TIA1: variants seen among roughly 807,000 people sequenced by gnomAD.
TIA1 encodes the protein TIA1 cytotoxic granule associated RNA binding protein.
TIA1 carries 23 observed loss-of-function variants against 65.9 expected under a neutral mutation model. The observed-to-expected ratio is 0.35, with a 90% CI of 0.25 to 0.49. The LOEUF is 0.49. TIA1 is among the 20% of genes least tolerant of loss of function. The pLI, the probability that TIA1 is intolerant of heterozygous loss-of-function variation, is 0.98. For missense variants in TIA1, 371 were observed against 477.9 expected (o/e 0.78, Z 2.09); for synonymous variants, 147 against 149.4 (o/e 0.98, Z 0.12).
chr2:70,248,704 C>T, upstream of TIA1: 1 of 526,784 alleles, frequency 1.9e-6, no homozygotes, highest in Non-Finnish European at 3.4e-6. Context: ...CTCTCAACCT[C>T]CGGGCCGCCC....
chr2:70,213,000 C>T (rs1028042053), intron 12 of TIA1, among the ~76,000 whole-genome samples, 155 bp from the exon 13 acceptor site: 15 of 152,316 alleles, frequency 9.8e-5, no homozygotes, highest in Admixed American at 3.9e-4. Flanking sequence ...AAAATGAAAT[C>T]TTTTACTAAA....
At chr2:70,225,132 TGTCTAAA>T (rs1352429272) in intron 6 of TIA1, 1 of 1,025,682 alleles carries the variant, frequency 9.7e-7, no homozygotes, top group African/African-American at 1.7e-5. Flanking sequence ...CCCCCCTTTT[TGTCTAAA>T]TTTTGAGAAC....
At chr2:70,221,311 TA>T (rs200250999) in intron 7 of TIA1, among the ~76,000 whole-genome samples, 23 of 151,016 alleles carry the variant, frequency 1.5e-4, no homozygotes, top group African/African-American at 3.4e-4. Context: ...GGCCTTTTTT[TA>T]AAAAAAAATT....
At chr2:70,221,949 G>A (rs188277861) in intron 7 of TIA1, among the ~76,000 whole-genome samples, 5 of 151,960 alleles carry the variant, frequency 3.3e-5, no homozygotes, top group Admixed American at 2.6e-4. Context: ...CACCATGCCT[G>A]GCTCATTTTT....
intron 1 of TIA1, among the ~76,000 whole-genome samples, chr2:70,246,199 T>A (rs933112579): frequency 2.0e-5 from 3 of 152,184 alleles, no homozygotes; most frequent in African/African-American, 7.2e-5. Flanking sequence ...GTTAGGATTA[T>A]AGGCGTGAGC....
rs1379346485 is a variant in TIA1 at position 70,216,280 on chromosome 2, C to T, written c.692G>A (p.Arg231His). The T allele has an allele frequency of 7.5e-6, 12 of 1,592,930 alleles. No homozygotes were observed. Among genetic ancestry groups the T allele is most frequent in the Non-Finnish European group, 1.0e-5 (12 of 1,174,294 alleles). The change falls in exon 10 of 13, where the codon CGT (arginine) becomes CAT (histidine). Residue 231 changes from arginine (R) to histidine (H), a missense_variant. Arg to His is a conservative substitution (Grantham distance 29). Transcript: ENST00000433529. ...VTSGLTEQLM[R>H]QTFSPFGQIM... ...TTGTCCAAATGGTGAAAAAGTCTGA[C>T]GCATTAGTTGTTCTGTTAGACAAAA...
intron 7 of TIA1, among the ~76,000 whole-genome samples, chr2:70,222,602 TAGA>T (rs1363753361): frequency 6.6e-6 from 1 of 152,192 alleles, no homozygotes; most frequent in Admixed American, 6.6e-5. Context: ...TTTAAATTTA[TAGA>T]AGATTTTATA....
chr2:70,228,235 T>C, intron 5 of TIA1: 1 of 831,476 alleles, frequency 1.2e-6, no homozygotes, highest in South Asian at 2.1e-5. Context: ...ATAGTGGTAC[T>C]GTGAATTATG....
At chr2:70,216,553 G>A in intron 8 of TIA1, 54 bp from the exon 9 acceptor site, 1 of 1,527,258 alleles carries the variant, frequency 6.5e-7, no homozygotes, top group Non-Finnish European at 9.0e-7. Context: ...TGTGCAGAAA[G>A]AGAAAAGTAG....
rs1270185826 is a variant in TIA1 at position 70,212,196 on chromosome 2, A to G, written c.*523T>C. 6.5e-6 allele frequency: 1 copy of G among 152,690 alleles called. No homozygotes were observed. The highest frequency in any genetic ancestry group is 1.9e-4 in the East Asian group (1 of 5,204). 9.5% of individuals were successfully genotyped at this position (152,690 alleles called of 1,614,324 possible). A position where few individuals can be genotyped will look rare whatever the true frequency, so the allele number is the denominator to read the frequency against. ...GATGTAAACTAATAATTTATATTAA[A>G]AAACCCCAAAGGGATAACAGTGGAG... On this transcript the variant is annotated 3_prime_UTR_variant, in exon 13 of 13. Transcript: ENST00000433529.
intron 11 of TIA1, 106 bp downstream of exon 11, chr2:70,215,265 C>G: frequency 6.9e-7 from 1 of 1,443,872 alleles, no homozygotes; most frequent in South Asian, 1.2e-5. Context: ...CCCTTATATA[C>G]TATCATTTTA....
In TIA1 at chr2:70,227,797, A is replaced by G. The variant is rs1684448530; in HGVS notation, c.336T>C (p.Asp112=). 6.3e-7 allele frequency: 1 copy of G among 1,599,068 alleles called. No homozygotes were observed. Among genetic ancestry groups the G allele is most frequent in the African/African-American group, 1.3e-5 (1 of 74,778 alleles). Reference sequence around the variant, plus strand: ...CTTCAGTTGTAATTTCTGGGCTGAGATCACCAACAAAGACATGGAAATGAT... The same window carrying G: ...CTTCAGTTGTAATTTCTGGGCTGAGGTCACCAACAAAGACATGGAAATGAT... ...SQDHFHVFVG[D]LSPEITTEDI... The change falls in exon 6 of 13, where the codon GAT becomes GAC. Residue 112 remains aspartate (D), a synonymous_variant. Coordinates refer to ENST00000433529, the MANE Select transcript of TIA1 (RefSeq NM_022173.4).
At chr2:70,221,751 T>C (rs1176946597) in intron 7 of TIA1, among the ~76,000 whole-genome samples, 3 of 152,048 alleles carry the variant, frequency 2.0e-5, no homozygotes, top group Non-Finnish European at 4.4e-5. Context: ...GTTGCACAAT[T>C]CTGTGAATTA....
At chr2:70,240,883 C>G (rs541525031) in intron 1 of TIA1, among the ~76,000 whole-genome samples, 4 of 150,864 alleles carry the variant, frequency 2.7e-5, no homozygotes, top group African/African-American at 7.3e-5. Context: ...CCTGCCCCCC[C>G]ACCAAAAAAA....
At chr2:70,230,991 C>A (rs1686015553) in intron 2 of TIA1, 137 bp from the exon 3 acceptor site, 3 of 594,034 alleles carry the variant, frequency 5.1e-6, no homozygotes, top group Non-Finnish European at 8.7e-6. Context: ...GTCTATTCCA[C>A]AAGTAAATTT....
At chr2:70,248,131 G>A (rs894423718) in intron 1 of TIA1, among the ~76,000 whole-genome samples, 11 of 152,166 alleles carry the variant, frequency 7.2e-5, no homozygotes, top group African/African-American at 2.7e-4. Context: ...TTTTCTCCAG[G>A]TCTAAGACCA....
intron 1 of TIA1, among the ~76,000 whole-genome samples, chr2:70,238,074 C>T (rs1306677568): frequency 2.7e-5 from 4 of 150,266 alleles, no homozygotes; most frequent in South Asian, 2.1e-4. Context: ...GGCAGGAGAA[C>T]GGCGTGAACC....
At chr2:70,239,793 C>T (rs1050806500) in intron 1 of TIA1, among the ~76,000 whole-genome samples, 1 of 152,186 alleles carries the variant, frequency 6.6e-6, no homozygotes, top group Admixed American at 6.5e-5. Flanking sequence ...ATTTACCCAA[C>T]AGCAATTTAC....
At chr2:70,238,717 A>G (rs1255586817) in intron 1 of TIA1, among the ~76,000 whole-genome samples, 1 of 152,080 alleles carries the variant, frequency 6.6e-6, no homozygotes, top group Non-Finnish European at 1.5e-5. Flanking sequence ...AAAAATATAA[A>G]TCGTGCATTA....
Sources: gnomAD v4.1 joint callset for allele counts (sites outside exome capture counted in the v4.1 genomes callset) on GRCh38, gnomAD v4.1.1 for gene constraint, MANE v1.5 for transcripts, NCBI Gene and HGNC (gene_info 2026-07-23, HGNC 2026-07-21) for gene names.